POGLUT3: variants seen among roughly 807,000 people sequenced by gnomAD.
POGLUT3 encodes the protein protein O-glucosyltransferase 3.
A neutral mutation model predicts 54.3 loss-of-function variants in POGLUT3; 48 were observed. The observed-to-expected ratio is 0.88, with a 90% confidence interval of 0.70 to 1.12. The LOEUF (loss-of-function observed/expected upper bound fraction) is 1.12, where lower values mean the gene tolerates loss of function less well. POGLUT3 is among the 50% of genes most tolerant of loss of function. POGLUT3 has a pLI of 0.00. For synonymous variants in POGLUT3, 218 were observed against 237.4 expected (o/e 0.92, Z 0.75); for missense variants, 629 against 618.7 (o/e 1.02, Z -0.18).
At position 108,472,666 on chromosome 11, in the gene POGLUT3, A is replaced by T. The variant is rs535449519; in HGVS notation, c.*2161T>A. 2 of 152,334 alleles carry T rather than the reference A, an allele frequency of 1.3e-5. No homozygotes were observed. Among genetic ancestry groups the T allele is most frequent in the South Asian group, 4.1e-4 (2 of 4,828 alleles). The allele number at this position is 152,334 out of a possible 1,614,324, so 9.4% of individuals were successfully genotyped here. A position where few individuals can be genotyped will look rare whatever the true frequency, so the allele number is the denominator to read the frequency against. ...TTTGGCAGAGGCAATATAAATTTTT[A>T]AAAATGTAAGATGTTTAAAATGCCA... On this transcript the variant is annotated 3_prime_UTR_variant, in exon 8 of 8. Transcript: ENST00000323468.
At chr11:108,486,590 A>G (rs116877077) in intron 2 of POGLUT3, 150 bp from the exon 3 acceptor site, 171 of 747,558 alleles carry the variant, frequency 2.3e-4, no homozygotes, top group Non-Finnish European at 3.1e-4. Flanking sequence ...ATTATGTTAG[A>G]GTCCTACACT....
intron 5 of POGLUT3, among the ~76,000 whole-genome samples, chr11:108,480,258 T>G (rs1460621936): frequency 6.6e-6 from 1 of 152,242 alleles, no homozygotes; most frequent in African/African-American, 2.4e-5. Flanking sequence ...GTCTCTATTT[T>G]ACAGTTTTAG....
At chr11:108,497,123 C>G (rs967238779) in intron 1 of POGLUT3, among the ~76,000 whole-genome samples, 1 of 152,242 alleles carries the variant, frequency 6.6e-6, no homozygotes, top group African/African-American at 2.4e-5. Context: ...CTTTGACCAA[C>G]AGACTGTAAG....
intron 1 of POGLUT3, among the ~76,000 whole-genome samples, chr11:108,493,397 A>C (rs2093616469): frequency 6.6e-6 from 1 of 152,358 alleles, no homozygotes; most frequent in African/African-American, 2.4e-5. Flanking sequence ...ACTGAAACAG[A>C]AATAAGAATT....
Position 108,491,107 on chromosome 11 carries a change from T to G in POGLUT3, c.263A>C (p.His88Pro). Residue 88 changes from histidine (H) to proline (P), a missense_variant, in exon 2 of 8, where the codon CAT becomes CCT. Coordinates refer to ENST00000323468, the MANE Select transcript of POGLUT3 (RefSeq NM_153705.5). Reference sequence around the variant, plus strand: ...ATTCCTGTCCAAAGGTTTAGGGACATGTATCCGGACCAACTCTTTAGGTGA... The same window carrying G: ...ATTCCTGTCCAAAGGTTTAGGGACAGGTATCCGGACCAACTCTTTAGGTGA... Reference protein sequence around the residue: ...SLSPKELVRIHVPKPLDRNDG... With the variant: ...SLSPKELVRIPVPKPLDRNDG... 2 of 1,614,134 alleles carry G rather than the reference T, an allele frequency of 1.2e-6. No homozygotes were observed. Among genetic ancestry groups the G allele is most frequent in the Non-Finnish European group, 1.7e-6 (2 of 1,179,964 alleles).
chr11:108,478,677 A>C (rs1348144074), intron 6 of POGLUT3, among the ~76,000 whole-genome samples: 1 of 152,250 alleles, frequency 6.6e-6, no homozygotes, highest in Non-Finnish European at 1.5e-5. Context: ...ATTTGCAAGC[A>C]ACTGAGGCTC....
At chr11:108,481,482 CT>C in intron 4 of POGLUT3, 106 bp from the exon 5 acceptor site, 1 of 834,358 alleles carries the variant, frequency 1.2e-6, no homozygotes. Flanking sequence ...TGCTAAAGCT[CT>C]TTTATCAACT....
intron 1 of POGLUT3, 21 bp downstream of exon 1, chr11:108,498,144 A>G (rs1286468300): frequency 6.0e-6 from 9 of 1,493,574 alleles, no homozygotes; most frequent in Admixed American, 2.3e-5. Context: ...GGGACGAGGG[A>G]GGCCGGCGGC....
rs533719914 is a variant in POGLUT3, at chr11:108,498,339, G to T, written c.28C>A (p.Leu10Met). The T allele has an allele frequency of 1.4e-3, 1,840 of 1,361,448 alleles. 27 individuals are homozygous for T. The South Asian group carries it at 0.023, about 17-fold the overall frequency. 84.3% of individuals were successfully genotyped at this position (1,361,448 alleles called of 1,614,324 possible). ...ACCAGCAGGGCGAGGCGCAGCTGCAGCAGCAGGGCCCGCGGGAGGCGGCGC... is the reference window on the plus strand; with the variant it reads ...ACCAGCAGGGCGAGGCGCAGCTGCATCAGCAGGGCCCGCGGGAGGCGGCGC... Reference protein sequence around the residue: MRRLPRALLLQLRLALLVAA... With the variant: MRRLPRALLMQLRLALLVAA... Residue 10 changes from leucine (L) to methionine (M), a missense_variant, in exon 1 of 8, where the codon CTG (leucine) becomes ATG (methionine). Coordinates refer to ENST00000323468, the MANE Select transcript of POGLUT3 (RefSeq NM_153705.5).
intron 2 of POGLUT3, chr11:108,486,668 T>G (rs2093604038): frequency 2.0e-6 from 1 of 489,982 alleles, no homozygotes; most frequent in Non-Finnish European, 3.6e-6. Context: ...TCTAACCTAC[T>G]CTCGGTCACT....
intron 2 of POGLUT3, among the ~76,000 whole-genome samples, chr11:108,487,963 C>A (rs1352470721): frequency 6.6e-6 from 1 of 151,730 alleles, no homozygotes; most frequent in Non-Finnish European, 1.5e-5. Context: ...GATGTACCAC[C>A]CCACCTGAAA....
intron 1 of POGLUT3, among the ~76,000 whole-genome samples, chr11:108,495,411 T>C (rs1345448498): frequency 6.6e-6 from 1 of 152,194 alleles, no homozygotes; most frequent in Admixed American, 6.5e-5. Context: ...GTTCAGGCAG[T>C]CTACCAGCCT....
At chr11:108,481,711 G>A (rs537313978) in intron 4 of POGLUT3, among the ~76,000 whole-genome samples, 3 of 112,056 alleles carry the variant, frequency 2.7e-5, no homozygotes, top group East Asian at 4.6e-4. Flanking sequence ...AAATAATGTC[G>A]GACCGTGTTC....
chr11:108,483,507 C>T (rs1486496639), intron 3 of POGLUT3, among the ~76,000 whole-genome samples: 2 of 152,114 alleles, frequency 1.3e-5, no homozygotes, highest in African/African-American at 4.8e-5. Context: ...ATCCCACCCC[C>T]ACTTCCAAAC....
chr11:108,492,076 G>GTT (rs1235973058), intron 1 of POGLUT3, among the ~76,000 whole-genome samples: 3 of 124,230 alleles, frequency 2.4e-5, no homozygotes, highest in Non-Finnish European at 5.2e-5. Flanking sequence ...TCTTGTACAA[G>GTT]CTCACACACA....
In POGLUT3 at chr11:108,482,111, G is replaced by C. The variant is rs528624159; in HGVS notation, c.796C>G (p.Leu266Val). 6.2e-7 allele frequency: 1 copy of C among 1,614,090 alleles called. No homozygotes were observed. Among genetic ancestry groups the C allele is most frequent in the Non-Finnish European group, 8.5e-7 (1 of 1,179,980 alleles). The change falls in exon 4 of 8, where the codon CTG (leucine) becomes GTG (valine). Residue 266 changes from leucine (L) to valine (V), a missense_variant. Coordinates refer to ENST00000323468, the MANE Select transcript of POGLUT3 (RefSeq NM_153705.5). ...GGAAGGACAACATCTCTTGAATCCAGAGAGCCACACCATGAAATGATAGGT... is the reference window on the plus strand; with the variant it reads ...GGAAGGACAACATCTCTTGAATCCACAGAGCCACACCATGAAATGATAGGT... Reference protein sequence around the residue: ...PIPIISWCGSLDSRDVVLPTY... With the variant: ...PIPIISWCGSVDSRDVVLPTY...
chr11:108,491,453 C>G (rs1421571113), intron 1 of POGLUT3: 8 of 522,328 alleles, frequency 1.5e-5, no homozygotes, highest in Non-Finnish European at 2.7e-5. Context: ...CTCCTGGGCT[C>G]ATGAACCTCC....
chr11:108,489,654 G>A (rs1177543283), intron 2 of POGLUT3, among the ~76,000 whole-genome samples: 1 of 152,198 alleles, frequency 6.6e-6, no homozygotes, highest in Non-Finnish European at 1.5e-5. Flanking sequence ...GGGCATGGTG[G>A]CTCATGCCTG....
chr11:108,476,236 C>T lies in POGLUT3; in HGVS notation c.1399-1284G>A, dbSNP rs374279883. ...GCAACCTCTGCCTCCCAGGTTCAAG[C>T]GATTCTCCTGCCTCAGCCTCCTGAG... On this transcript the variant is annotated intron_variant, in intron 7 of 7. Transcript: ENST00000323468. 3.6e-4 allele frequency among the ~76,000 whole-genome samples: 55 copies of T among 152,234 alleles called. 1 individual carries two copies. In the East Asian group the frequency reaches 6.2e-3, roughly 17 times the overall value.
Sources: gnomAD v4.1 joint callset for allele counts (sites outside exome capture counted in the v4.1 genomes callset) on GRCh38, gnomAD v4.1.1 for gene constraint, MANE v1.5 for transcripts, NCBI Gene and HGNC (gene_info 2026-07-23, HGNC 2026-07-21) for gene names.